The following ADCY8 variants were observed in gnomAD, a reference collection of about 807,000 sequenced individuals.
The protein encoded by ADCY8 is adenylate cyclase 8.
ADCY8 carries 51 observed loss-of-function variants against 119.7 expected under a neutral mutation model. The ratio of observed to expected loss-of-function variants is 0.43; its 90% CI spans 0.34 to 0.54. The LOEUF (loss-of-function observed/expected upper bound fraction) is 0.54, where lower values mean the gene tolerates loss of function less well. Among genes scored for constraint, ADCY8 ranks in the 20% least tolerant of loss-of-function variants. The probability of loss-of-function intolerance (pLI) is 0.03; values close to 1 mark genes in which losing one functional copy is unlikely to be tolerated. For synonymous variants in ADCY8, 665 were observed against 651.0 expected (o/e 1.02, Z -0.33); for missense variants, 1,383 against 1,598.8 (o/e 0.87, Z 2.30).
chr8:130,790,635 G>A (rs1172275439), intron 15 of ADCY8, among the ~76,000 whole-genome samples: 1 of 152,156 alleles, frequency 6.6e-6, no homozygotes, highest in Non-Finnish European at 1.5e-5. Context: ...GTGGGGCACA[G>A]ACAGGTCACA....
intron 2 of ADCY8, among the ~76,000 whole-genome samples, chr8:130,968,763 T>C (rs1350426262): frequency 2.0e-5 from 3 of 152,176 alleles, no homozygotes; most frequent in East Asian, 1.9e-4. Context: ...TTTTCTTTGA[T>C]AATAAAATGA....
Position 130,849,585 on chromosome 8 carries a change from G to A in ADCY8, c.2412+17C>T. 6.2e-7 allele frequency: 1 copy of A among 1,612,976 alleles called. No homozygotes were observed. The highest frequency in any genetic ancestry group is 8.5e-7 in the Non-Finnish European group (1 of 1,179,076). On this transcript the variant is annotated intron_variant, in intron 10 of 17. Transcript: ENST00000286355. ...GCACACTAGACACCAGAGGGTTGGT[G>A]GATGTGGGATGCTTACGATATTTAA...
intron 1 of ADCY8, among the ~76,000 whole-genome samples, chr8:131,036,365 T>C (rs1563776781): frequency 6.6e-6 from 1 of 152,194 alleles, no homozygotes; most frequent in Non-Finnish European, 1.5e-5. Context: ...ACACATATGA[T>C]GTGTATGTGT....
At chr8:130,864,437 T>G (rs1433925587) in intron 9 of ADCY8, among the ~76,000 whole-genome samples, 1 of 152,218 alleles carries the variant, frequency 6.6e-6, no homozygotes, top group East Asian at 1.9e-4. Flanking sequence ...ATATTTATTT[T>G]GCTTAGCTCT....
chr8:130,991,575 C>T (rs970274541), intron 1 of ADCY8, among the ~76,000 whole-genome samples: 5 of 152,188 alleles, frequency 3.3e-5, no homozygotes, highest in African/African-American at 1.2e-4. Flanking sequence ...AGTTAATTAC[C>T]TGCTAAAGTG....
intron 1 of ADCY8, among the ~76,000 whole-genome samples, chr8:131,038,315 C>T (rs1203243933): frequency 6.6e-6 from 1 of 152,116 alleles, no homozygotes; most frequent in African/African-American, 2.4e-5. Flanking sequence ...ACAGAGCAGG[C>T]CCATACAAAG....
rs561014087 is a variant in ADCY8 at position 130,890,744 on chromosome 8, C to T, written c.1912-5983G>A. On this transcript the variant is annotated intron_variant, in intron 7 of 17. Coordinates refer to ENST00000286355, the MANE Select transcript of ADCY8 (RefSeq NM_001115.3). ...GAGACCACAGGCTGGCAAGGGGTAA[C>T]CTTGAGCCTTTTCTGGGACCAGCAC... Among the ~76,000 whole-genome samples the T allele has an allele frequency of 5.5e-4, 84 of 152,246 alleles. No individual in the cohort carries two copies. In the Middle Eastern group the frequency reaches 0.014, roughly 25 times the overall value.
chr8:130,854,808 T>TCCCC (rs1563694413), intron 9 of ADCY8, among the ~76,000 whole-genome samples: 1 of 82,006 alleles, frequency 1.2e-5, no homozygotes, highest in Non-Finnish European at 2.3e-5. Context: ...CCTCCGTCCC[T>TCCCC]CCCTCCCTCC....
intron 2 of ADCY8, among the ~76,000 whole-genome samples, chr8:130,971,936 C>T (rs891374435): frequency 6.6e-6 from 1 of 152,194 alleles, no homozygotes; most frequent in African/African-American, 2.4e-5. Flanking sequence ...CTGGGGGCTA[C>T]TGAAGGATCT....
intron 9 of ADCY8, among the ~76,000 whole-genome samples, chr8:130,859,914 A>G (rs1817871793): frequency 6.6e-6 from 1 of 152,118 alleles, no homozygotes. Flanking sequence ...AGCCTTTCAG[A>G]CGGTTTCTTT....
At chr8:130,981,409 T>C (rs749110872) in intron 2 of ADCY8, among the ~76,000 whole-genome samples, 2 of 152,244 alleles carry the variant, frequency 1.3e-5, no homozygotes, top group South Asian at 2.1e-4. Context: ...TCTTGAAAAG[T>C]GCCTTCAACT....
chr8:130,848,638 C>T (rs174493), intron 10 of ADCY8, among the ~76,000 whole-genome samples: 32,163 of 152,066 alleles, frequency 0.21, 4,260 homozygotes, highest in South Asian at 0.43. Flanking sequence ...GGGACCCTCC[C>T]TCAGGCCCAA....
intron 15 of ADCY8, among the ~76,000 whole-genome samples, chr8:130,798,688 A>G (rs1348664933): frequency 1.3e-5 from 2 of 152,220 alleles, no homozygotes; most frequent in African/African-American, 4.8e-5. Flanking sequence ...ACATGACTGC[A>G]GTTGTCTAGG....
At chr8:130,915,980 G>A (rs1191629496) in intron 5 of ADCY8, among the ~76,000 whole-genome samples, 2 of 152,188 alleles carry the variant, frequency 1.3e-5, no homozygotes, top group East Asian at 1.9e-4. Flanking sequence ...AGTTAGTTAT[G>A]GAGGTCAACT....
At chr8:130,819,079 C>T (rs947806354) in intron 13 of ADCY8, among the ~76,000 whole-genome samples, 4 of 152,078 alleles carry the variant, frequency 2.6e-5, no homozygotes, top group African/African-American at 4.8e-5. Flanking sequence ...TCTAACAACC[C>T]GATGAAGTAG....
At chr8:130,870,510 A>C (rs2130405317) in intron 8 of ADCY8, among the ~76,000 whole-genome samples, 1 of 152,256 alleles carries the variant, frequency 6.6e-6, no homozygotes, top group Admixed American at 6.5e-5. Flanking sequence ...TATCTGGGAA[A>C]GTGGGTTTCT....
intron 1 of ADCY8, among the ~76,000 whole-genome samples, chr8:131,003,222 A>G (rs916327242): frequency 2.0e-5 from 3 of 151,930 alleles, no homozygotes; most frequent in Admixed American, 1.3e-4. Context: ...ACACACACAC[A>G]CACACACACA....
chr8:130,800,534 C>T lies in ADCY8; in HGVS notation c.2952G>A (p.Met984Ile). 6.2e-7 allele frequency: 1 copy of T among 1,614,122 alleles called. No homozygotes were observed. The highest frequency in any genetic ancestry group is 8.5e-7 in the Non-Finnish European group (1 of 1,180,006). The change falls in exon 15 of 18, where the codon ATG becomes ATA. Residue 984 changes from methionine (M) to isoleucine (I), a missense_variant. Met to Ile is a conservative substitution (Grantham distance 10). Transcript: ENST00000286355. ...CCGCAAATCCTGGGATGGAGGCAAA[C>T]ATCACCCCAACAGCATCATAGGATT... The part of the protein sequence containing the change: ...YSQSYDAVGV[M>I]FASIPGFADF...
intron 1 of ADCY8, 81 bp downstream of exon 1, chr8:131,039,293 A>G (rs552379178): frequency 6.4e-7 from 1 of 1,554,032 alleles, no homozygotes; most frequent in South Asian, 1.2e-5. Context: ...AGAGTGAGGC[A>G]ACCCTGGCTC....
Sources: allele counts gnomAD v4.1 joint callset (sites outside exome capture counted in the v4.1 genomes callset), GRCh38; gene constraint gnomAD v4.1.1; transcripts MANE v1.5; gene names NCBI Gene and HGNC (gene_info 2026-07-23, HGNC 2026-07-21).